IFT140: variants seen among roughly 807,000 people sequenced by gnomAD.
The protein encoded by IFT140 is intraflagellar transport 140.
A neutral mutation model predicts 164.6 loss-of-function variants in IFT140; 133 were observed. The ratio of observed to expected loss-of-function variants is 0.81; its 90% CI spans 0.70 to 0.93. The LOEUF (loss-of-function observed/expected upper bound fraction) is 0.93, where lower values mean the gene tolerates loss of function less well. Among genes scored for constraint, IFT140 ranks in the 40% least tolerant of loss-of-function variants. The probability of loss-of-function intolerance (pLI) is 0.00; values close to 1 mark genes in which losing one functional copy is unlikely to be tolerated. For synonymous variants in IFT140, 860 were observed against 817.3 expected (o/e 1.05, Z -0.89); for missense variants, 2,045 against 1,972.3 (o/e 1.04, Z -0.70).
At chr16:1,585,849 C>T (rs1467958947) in intron 10 of IFT140, among the ~76,000 whole-genome samples, 5 of 149,822 alleles carry the variant, frequency 3.3e-5, no homozygotes, top group African/African-American at 1.2e-4. Context: ...CGGCTCACTG[C>T]AAGCTCCAGC....
chr16:1,526,930 C>G (rs1435215574), intron 19 of IFT140, 134 bp from the exon 20 acceptor site: 1 of 977,946 alleles, frequency 1.0e-6, no homozygotes, highest in Non-Finnish European at 1.5e-6. Flanking sequence ...CTTCACCCAT[C>G]GGCTCCGCCC....
intron 19 of IFT140, chr16:1,555,379 G>A (rs2033010519): frequency 4.1e-6 from 1 of 242,152 alleles, no homozygotes; most frequent in African/African-American, 2.3e-5. Flanking sequence ...TGCATCTGCT[G>A]AGAGGGGCAC....
intron 4 of IFT140, among the ~76,000 whole-genome samples, chr16:1,596,712 G>A (rs2035482520): frequency 6.6e-6 from 1 of 152,118 alleles, no homozygotes; most frequent in Admixed American, 6.5e-5. Context: ...AACGATCCTG[G>A]AATGTGAGCA....
chr16:1,523,712 G>T lies in IFT140; in HGVS notation c.3271-12C>A. 2 of 1,612,258 alleles carry T rather than the reference G, an allele frequency of 1.2e-6. No homozygotes were observed. The highest frequency in any genetic ancestry group is 1.7e-6 in the Non-Finnish European group (2 of 1,179,330). On this transcript the variant is annotated splice_polypyrimidine_tract_variant and intron_variant, in intron 25 of 30. Coordinates refer to ENST00000426508, the MANE Select transcript of IFT140 (RefSeq NM_014714.4). Reference sequence around the variant, plus strand: ...GAGAAGTGGCCAGCCTGCGGATACGGTGGGCTCTGAGCAGCTGCCCGAGGC... The same window carrying T: ...GAGAAGTGGCCAGCCTGCGGATACGTTGGGCTCTGAGCAGCTGCCCGAGGC...
intron 27 of IFT140, 125 bp from the exon 28 acceptor site, chr16:1,520,468 G>A: frequency 1.5e-6 from 2 of 1,330,310 alleles, no homozygotes; most frequent in Non-Finnish European, 1.0e-6. Flanking sequence ...AGATCTTAGT[G>A]GTTGTGCTCT....
intron 19 of IFT140, among the ~76,000 whole-genome samples, chr16:1,528,983 C>T (rs3784826): frequency 0.087 from 13,186 of 152,208 alleles, 797 homozygotes; most frequent in African/African-American, 0.16. Context: ...GCAATGGCTC[C>T]GAGATGGTAG....
intron 17 of IFT140, among the ~76,000 whole-genome samples, chr16:1,563,392 G>A (rs1427138722): frequency 4.0e-5 from 6 of 150,658 alleles, no homozygotes; most frequent in African/African-American, 1.5e-4. Context: ...GGCGGAGGTT[G>A]CAGTGAGCTG....
rs1173043770 is a variant in IFT140, at chr16:1,523,599, C to T, written c.3372G>A (p.Ala1124=). 8.1e-6 allele frequency: 13 copies of T among 1,613,802 alleles called. No homozygotes were observed. Among genetic ancestry groups the T allele is most frequent in the East Asian group, 2.2e-5 (1 of 44,888 alleles). Reference sequence around the variant, plus strand: ...AGAAGTCGGAGCAGCGGGCCAGGAGCGCAGGGTCTGACGTCTCATCCAGGT... The same window carrying T: ...AGAAGTCGGAGCAGCGGGCCAGGAGTGCAGGGTCTGACGTCTCATCCAGGT... The part of the protein sequence containing the change: ...AEDLDETSDP[A]LLARCSDFFI... Residue 1124 remains alanine, a synonymous_variant, in exon 26 of 31, where the codon GCG becomes GCA. Transcript: ENST00000426508.
intron 18 of IFT140, 28 bp from the exon 19 acceptor site, chr16:1,558,162 T>G (rs370010833): frequency 6.2e-7 from 1 of 1,611,828 alleles, no homozygotes; most frequent in African/African-American, 1.3e-5. Flanking sequence ...CATGTGTTTG[T>G]TAATTCATAT....
intron 16 of IFT140, among the ~76,000 whole-genome samples, chr16:1,565,458 G>A (rs1414596852): frequency 6.6e-6 from 1 of 152,118 alleles, no homozygotes; most frequent in Non-Finnish European, 1.5e-5. Context: ...GGGGAATCCA[G>A]GGGGGCTGGA....
chr16:1,542,969 T>C (rs1481337827), intron 19 of IFT140, among the ~76,000 whole-genome samples: 1 of 152,228 alleles, frequency 6.6e-6, no homozygotes, highest in Admixed American at 6.5e-5. Context: ...GACAAGTGCT[T>C]GAGCCACAGC....
chr16:1,536,436 C>T (rs2031079631), intron 19 of IFT140, among the ~76,000 whole-genome samples: 2 of 152,178 alleles, frequency 1.3e-5, no homozygotes, highest in Non-Finnish European at 1.5e-5. Flanking sequence ...CCTGGTCAGC[C>T]CCTTGGACAA....
intron 4 of IFT140, among the ~76,000 whole-genome samples, chr16:1,599,776 G>A (rs2035686652): frequency 1.3e-5 from 1 of 74,904 alleles, no homozygotes; most frequent in East Asian, 5.5e-4. Flanking sequence ...CCGGGAGGGA[G>A]GTGGGGGTGT....
chr16:1,528,016 T>C (rs968356585), intron 19 of IFT140, among the ~76,000 whole-genome samples: 1 of 152,184 alleles, frequency 6.6e-6, no homozygotes. Context: ...TGACGCTGCA[T>C]GAGAACCGTG....
rs1307931278 is a variant in IFT140 at position 1,571,404 on chromosome 16, T to C, written c.1652+3A>G. 1 of 1,608,656 alleles carries C rather than the reference T, an allele frequency of 6.2e-7. No individual in the cohort carries two copies. The highest frequency in any genetic ancestry group is 8.5e-7 in the Non-Finnish European group (1 of 1,178,606). ...CACACTTCTATTTGGAAAAAAAATT[T>C]ACCTTCGGGAAAGATCAAAGCTTTT... On this transcript the variant is annotated splice_donor_region_variant and intron_variant, in intron 14 of 30. Coordinates refer to ENST00000426508, the MANE Select transcript of IFT140 (RefSeq NM_014714.4).
intron 4 of IFT140, among the ~76,000 whole-genome samples, chr16:1,599,400 C>T (rs1345483600): frequency 1.6e-5 from 1 of 62,016 alleles, no homozygotes; most frequent in East Asian, 7.1e-4. Context: ...CCTGGCCAGC[C>T]GTGCCGTCCG....
chr16:1,575,732 C>T (rs1197920805), intron 13 of IFT140, among the ~76,000 whole-genome samples: 1 of 150,904 alleles, frequency 6.6e-6, no homozygotes, highest in Non-Finnish European at 1.5e-5. Context: ...ATGCCACTGG[C>T]CTCTCCCAGC....
At chr16:1,579,072 A>T (rs1468594204) in intron 13 of IFT140, among the ~76,000 whole-genome samples, 1 of 152,264 alleles carries the variant, frequency 6.6e-6, no homozygotes, top group Non-Finnish European at 1.5e-5. Flanking sequence ...GTTGACAACA[A>T]GACTTACCAA....
rs2040723951 is a variant in IFT140, at chr16:1,527,013, G to A, written c.2400-217C>T. ...ACGGCCTTCCTAACCCCAAGAGGCA[G>A]GGGCCGGGTCCCATTAAAAGACAGA... On this transcript the variant is annotated intron_variant, in intron 19 of 30. Coordinates refer to ENST00000426508, the MANE Select transcript of IFT140 (RefSeq NM_014714.4). The A allele has an allele frequency of 1.1e-5, 6 of 551,932 alleles. No individual in the cohort carries two copies. The East Asian group carries it at 1.8e-4, about 16-fold the overall frequency. 34.2% of individuals were successfully genotyped at this position (551,932 alleles called of 1,614,324 possible).
Sources: allele counts gnomAD v4.1 joint callset (sites outside exome capture counted in the v4.1 genomes callset), GRCh38; gene constraint gnomAD v4.1.1; transcripts MANE v1.5; gene names NCBI Gene and HGNC (gene_info 2026-07-23, HGNC 2026-07-21).